Variants in PRR23E observed in about 807,000 individuals in gnomAD.
PRR23E encodes proline-rich protein 23E.
the PRR23E span, among the ~76,000 whole-genome samples, chr3:127,195,065 G>A: frequency 3.9e-5 from 6 of 152,170 alleles, no homozygotes; most frequent in Non-Finnish European, 7.3e-5. Context: ...GTCCTCCCGC[G>A]CTGTGGCAGA....
At chr3:127,196,819 C>G in the PRR23E span, 2 of 1,598,722 alleles carry the variant, frequency 1.3e-6, no homozygotes, top group Non-Finnish European at 1.7e-6. Flanking sequence ...GGTTCCTGTA[C>G]CTGCTTGGGA....
chr3:127,194,390 G>A, the PRR23E span, among the ~76,000 whole-genome samples: 1 of 152,298 alleles, frequency 6.6e-6, no homozygotes, highest in South Asian at 2.1e-4. Flanking sequence ...TTTGTGTTGG[G>A]CCATATTCAA....
At chr3:127,197,229 A>G in the PRR23E span, 1 of 1,598,874 alleles carries the variant, frequency 6.3e-7, no homozygotes, top group Non-Finnish European at 8.5e-7. Context: ...CTACTTGAAG[A>G]CATGCAAAGC....
chr3:127,194,709 G>A, the PRR23E span, among the ~76,000 whole-genome samples: 16 of 152,226 alleles, frequency 1.1e-4, no homozygotes, highest in South Asian at 3.3e-3. Context: ...TTGGTCAGTG[G>A]TCCACATCTA....
the PRR23E span, chr3:127,197,361 CG>C: frequency 6.3e-7 from 1 of 1,585,304 alleles, no homozygotes; most frequent in South Asian, 1.1e-5. Context: ...GGGCTGCTCC[CG>C]CTCCTCCTCC....
At chr3:127,195,351 A>C in the PRR23E span, among the ~76,000 whole-genome samples, 1 of 152,070 alleles carries the variant, frequency 6.6e-6, no homozygotes. Flanking sequence ...CCTGAAACAC[A>C]AAGCTGGTAG....
At chr3:127,193,137 C>T in the PRR23E span, 1 of 152,296 alleles carries the variant, frequency 6.6e-6, no homozygotes, top group South Asian at 2.1e-4. Flanking sequence ...CTCCAGTGGT[C>T]TCCTGCCGCC....
chr3:127,197,350 C>A, the PRR23E span: 8 of 1,591,610 alleles, frequency 5.0e-6, no homozygotes, highest in African/African-American at 2.7e-5. Context: ...CAGCTGGACC[C>A]GGGCTGCTCC....
At chr3:127,197,392 GC>G in the PRR23E span, 1 of 1,555,766 alleles carries the variant, frequency 6.4e-7, no homozygotes, top group Non-Finnish European at 8.6e-7. Flanking sequence ...TGCAGGGCCC[GC>G]CGCCGCCTCT....
chr3:127,197,059 C>T, the PRR23E span: 2 of 1,595,268 alleles, frequency 1.3e-6, no homozygotes, highest in South Asian at 2.2e-5. Context: ...GCCTTGGCCC[C>T]CAACCTATTT....
the PRR23E span, chr3:127,197,015 C>T: frequency 6.3e-7 from 1 of 1,597,338 alleles, no homozygotes; most frequent in Admixed American, 1.7e-5. Flanking sequence ...GCGCCTCCAG[C>T]TTTGACCCCC....
the PRR23E span, among the ~76,000 whole-genome samples, chr3:127,196,150 A>T: frequency 6.6e-6 from 1 of 152,108 alleles, no homozygotes; most frequent in South Asian, 2.1e-4. Flanking sequence ...GTCAAGGATG[A>T]AGTGCTCCGG....
chr3:127,197,022 C>A, the PRR23E span: 1 of 1,596,960 alleles, frequency 6.3e-7, no homozygotes, highest in Non-Finnish European at 8.5e-7. Flanking sequence ...CAGCTTTGAC[C>A]CCCTCATAGG....
the PRR23E span, chr3:127,196,545 G>A: frequency 8.2e-6 from 11 of 1,341,868 alleles, no homozygotes; most frequent in East Asian, 2.6e-5. Context: ...CCTCCTGTGC[G>A]ACCTGGTCTC....
chr3:127,197,231 A>G, the PRR23E span: 2 of 1,598,846 alleles, frequency 1.3e-6, no homozygotes, highest in Admixed American at 1.7e-5. Flanking sequence ...ACTTGAAGAC[A>G]TGCAAAGCCC....
the PRR23E span, chr3:127,196,934 T>G: frequency 1.9e-6 from 3 of 1,599,362 alleles, no homozygotes; most frequent in Admixed American, 3.3e-5. Context: ...GGGTGCTCTA[T>G]GGTGGGTATC....
At chr3:127,194,332 TA>T in the PRR23E span, among the ~76,000 whole-genome samples, 59 of 147,050 alleles carry the variant, frequency 4.0e-4, no homozygotes, top group East Asian at 5.9e-4. Context: ...GCTGAAGAAC[TA>T]AAAAAAAAAA....
the PRR23E span, chr3:127,198,010 A>G: frequency 1.3e-5 from 2 of 152,350 alleles, no homozygotes; most frequent in African/African-American, 4.8e-5. Context: ...TGTTTGTTCC[A>G]GTGGACACAG....
the PRR23E span, chr3:127,196,939 G>T: frequency 1.9e-6 from 3 of 1,599,424 alleles, no homozygotes; most frequent in Non-Finnish European, 1.7e-6. Flanking sequence ...CTCTATGGTG[G>T]GTATCTCTGG....
Sources: allele counts gnomAD v4.1 joint callset (sites outside exome capture counted in the v4.1 genomes callset), GRCh38; gene constraint gnomAD v4.1.1; transcripts MANE v1.5; gene names NCBI Gene and HGNC (gene_info 2026-07-23, HGNC 2026-07-21).